Variants in DIXDC1 observed in about 807,000 individuals in gnomAD.
DIXDC1 encodes the protein dixin.
In DIXDC1, 64 loss-of-function variants were observed where a neutral mutation model predicts 103.1. That is an observed-to-expected ratio of 0.62 (90% CI 0.51 to 0.76). The LOEUF (loss-of-function observed/expected upper bound fraction) is 0.76, where lower values mean the gene tolerates loss of function less well. Ranked by LOEUF, DIXDC1 falls within the 30% of genes least tolerant of loss-of-function variation. The probability of loss-of-function intolerance (pLI) is 0.00; values close to 1 mark genes in which losing one functional copy is unlikely to be tolerated. For missense variants in DIXDC1, 759 were observed against 834.2 expected (o/e 0.91, Z 1.11); for synonymous variants, 266 against 298.5 (o/e 0.89, Z 1.12).
intron 1 of DIXDC1, among the ~76,000 whole-genome samples, chr11:111,961,070 A>T (rs1428685142): frequency 6.6e-6 from 1 of 152,240 alleles, no homozygotes; most frequent in East Asian, 1.9e-4. Context: ...ATGAATCACC[A>T]GGAGAGCTTG....
Position 112,020,092 on chromosome 11 carries a change from A to G in DIXDC1, c.*1056A>G, listed in dbSNP as rs1287058654. ...GCACAATAGAAACCATGGGGCGTGGAGCATGAGTTGTGAATGGCAGGGATC... is the reference window on the plus strand; with the variant it reads ...GCACAATAGAAACCATGGGGCGTGGGGCATGAGTTGTGAATGGCAGGGATC... On this transcript the variant is annotated 3_prime_UTR_variant, in exon 20 of 20. Transcript: ENST00000440460. 2 of 152,212 alleles carry G rather than the reference A, an allele frequency of 1.3e-5. No individual in the cohort carries two copies. The highest frequency in any genetic ancestry group is 1.3e-4 in the Admixed American group (2 of 15,266). The allele number at this position is 152,212 out of a possible 1,614,324, so 9.4% of individuals were successfully genotyped here. A position where few individuals can be genotyped will look rare whatever the true frequency, so the allele number is the denominator to read the frequency against.
intron 1 of DIXDC1, among the ~76,000 whole-genome samples, chr11:111,948,954 C>T (rs1294235422): frequency 6.6e-6 from 1 of 151,736 alleles, no homozygotes; most frequent in Non-Finnish European, 1.5e-5. Context: ...TGCTGTAGAG[C>T]CCAGGATTTA....
rs1009098034 is a variant in DIXDC1 at position 111,958,541 on chromosome 11, C to T, written c.61-6008C>T. On this transcript the variant is annotated intron_variant, in intron 1 of 19. Coordinates refer to ENST00000440460, the MANE Select transcript of DIXDC1 (RefSeq NM_001037954.4). This position sits in a 1 kb window ranked among gnomAD's most constrained non-coding sequence, Gnocchi z 4.2. ...TTAGCTCCCTCTGGACTTTGGGTGC[C>T]GAAAAGCACCAGAGGGAGGCTGAGG... Among the ~76,000 whole-genome samples the T allele has an allele frequency of 3.3e-5, 5 of 152,138 alleles. No homozygotes were observed. The highest frequency in any genetic ancestry group is 9.7e-5 in the African/African-American group (4 of 41,424).
intron 14 of DIXDC1, among the ~76,000 whole-genome samples, chr11:111,994,637 T>A (rs1860827643): frequency 2.0e-5 from 3 of 151,446 alleles, no homozygotes; most frequent in Admixed American, 6.6e-5. Context: ...TATGTATGAA[T>A]ATATATATAT....
At chr11:111,955,404 G>A (rs1301253421) in intron 1 of DIXDC1, among the ~76,000 whole-genome samples, 1 of 151,398 alleles carries the variant, frequency 6.6e-6, no homozygotes, top group African/African-American at 2.4e-5. Flanking sequence ...AGGAATAGCT[G>A]ATCCAGAGCT....
chr11:111,946,731 T>C, intron 1 of DIXDC1: 1 of 446,866 alleles, frequency 2.2e-6, no homozygotes, highest in Non-Finnish European at 4.5e-6. Flanking sequence ...CAGGAACTCA[T>C]TGAAGTCGGC....
intron 2 of DIXDC1, among the ~76,000 whole-genome samples, chr11:111,966,080 C>T (rs1859715856): frequency 1.3e-5 from 2 of 152,118 alleles, no homozygotes; most frequent in African/African-American, 2.4e-5. Flanking sequence ...CTAGTGTTAG[C>T]AGTTTCTTGC....
In DIXDC1 at chr11:112,005,710, C is replaced by T. The variant is rs938602058; in HGVS notation, c.1756+9564C>T. Reference sequence around the variant, plus strand: ...GACAGACAGAGTGAGACACTGTCCTCTCCCGTCCCCCCCTCAAAAAATACA... The same window carrying T: ...GACAGACAGAGTGAGACACTGTCCTTTCCCGTCCCCCCCTCAAAAAATACA... On this transcript the variant is annotated intron_variant, in intron 17 of 19. Coordinates refer to ENST00000440460, the MANE Select transcript of DIXDC1 (RefSeq NM_001037954.4). Among the ~76,000 whole-genome samples, 3 of 152,092 alleles carry T rather than the reference C, an allele frequency of 2.0e-5. No individual in the cohort carries two copies. The East Asian group carries it at 5.8e-4, about 29-fold the overall frequency.
intron 17 of DIXDC1, among the ~76,000 whole-genome samples, chr11:111,997,273 C>T (rs1860930743): frequency 1.3e-5 from 2 of 152,006 alleles, no homozygotes; most frequent in South Asian, 4.1e-4. Context: ...CATTTCAAAC[C>T]TCTGATCCCA....
chr11:111,941,899 A>G (rs1352954941), intron 1 of DIXDC1, among the ~76,000 whole-genome samples: 1 of 151,562 alleles, frequency 6.6e-6, no homozygotes, highest in African/African-American at 2.4e-5. Context: ...GTCTGGTCTC[A>G]TCTCCATAAG....
At chr11:111,959,773 G>A (rs1784678) in intron 1 of DIXDC1, among the ~76,000 whole-genome samples, 149,742 of 152,364 alleles carry the variant, frequency 0.98, 73,604 homozygotes, top group East Asian at 1. Flanking sequence ...CATTTTTGCT[G>A]CCTTTTTGCT....
chr11:112,007,668 A>C (rs1861279562), intron 17 of DIXDC1, among the ~76,000 whole-genome samples: 1 of 152,208 alleles, frequency 6.6e-6, no homozygotes, highest in Non-Finnish European at 1.5e-5. Flanking sequence ...TTCTTAAAGA[A>C]AAGAGTTTTC....
At chr11:111,972,478 C>T (rs1485969367) in intron 3 of DIXDC1, among the ~76,000 whole-genome samples, 2 of 152,190 alleles carry the variant, frequency 1.3e-5, no homozygotes, top group Non-Finnish European at 2.9e-5. Flanking sequence ...CTCATCTGCT[C>T]TCCACACTGC....
At chr11:111,995,631 A>G in intron 16 of DIXDC1, 67 bp downstream of exon 16, 1 of 1,588,564 alleles carries the variant, frequency 6.3e-7, no homozygotes, top group African/African-American at 1.3e-5. Flanking sequence ...AAGAATTTTA[A>G]TTGAGATGAA....
intron 3 of DIXDC1, among the ~76,000 whole-genome samples, chr11:111,970,285 C>G (rs587746116): frequency 1.3e-5 from 2 of 152,148 alleles, no homozygotes; most frequent in Non-Finnish European, 2.9e-5. Flanking sequence ...GAACTCCTGA[C>G]CTCAAGTGAT....
At chr11:111,950,423 TATATATATATATATA>T (rs1241413686) in intron 1 of DIXDC1, among the ~76,000 whole-genome samples, 1 of 21,112 alleles carries the variant, frequency 4.7e-5, no homozygotes, top group Admixed American at 6.5e-4. Flanking sequence ...TATATATATA[TATATATATATATATA>T]TTTTTTTTTT....
chr11:111,949,587 C>T (rs1213591986), intron 1 of DIXDC1, among the ~76,000 whole-genome samples: 2 of 152,188 alleles, frequency 1.3e-5, no homozygotes, highest in East Asian at 3.8e-4. Context: ...CTTTCTATTC[C>T]AAGATGCCAG....
At chr11:111,995,993 T>G (rs782354165) in intron 16 of DIXDC1, 87 bp from the exon 17 acceptor site, 1 of 1,163,362 alleles carries the variant, frequency 8.6e-7, no homozygotes, top group African/African-American at 1.5e-5. Context: ...AAGTATGTAG[T>G]ATTTTAAGCA....
intron 2 of DIXDC1, among the ~76,000 whole-genome samples, chr11:111,931,045 G>A (rs1965998647): frequency 6.6e-6 from 1 of 151,542 alleles, no homozygotes; most frequent in Admixed American, 6.6e-5. Context: ...GTAGAGATGG[G>A]GTTTTACCAT....
Sources: gnomAD v4.1 joint callset for allele counts (sites outside exome capture counted in the v4.1 genomes callset) on GRCh38, gnomAD v4.1.1 for gene constraint, Gnocchi (gnomAD v3.1) non-coding constraint, MANE v1.5 for transcripts, NCBI Gene and HGNC (gene_info 2026-07-23, HGNC 2026-07-21) for gene names.